The following SETD5 variants were observed in gnomAD, a reference collection of about 807,000 sequenced individuals.
SETD5 encodes SET domain containing 5.
Under a neutral mutation model 153.3 loss-of-function variants are expected in SETD5, and 44 were observed. The observed-to-expected ratio is 0.29, with a 90% CI of 0.23 to 0.37. The LOEUF is 0.37. Ranked by LOEUF, SETD5 falls within the 10% of genes least tolerant of loss-of-function variation. SETD5 has a pLI of 1.00. For missense variants in SETD5, 1,544 were observed against 1,768.0 expected (o/e 0.87, Z 2.27); for synonymous variants, 716 against 645.2 (o/e 1.11, Z -1.66).
Position 9,430,936 on chromosome 3 carries a change from A to T in SETD5, c.71+1927A>T, listed in dbSNP as rs981580107. 3 of 985,342 alleles carry T rather than the reference A, an allele frequency of 3.0e-6. No homozygotes were observed. In the African/African-American group the frequency reaches 5.2e-5, roughly 17 times the overall value. The allele number at this position is 985,342 out of a possible 1,614,324, so 61.0% of individuals were successfully genotyped here. On this transcript the variant is annotated intron_variant, in intron 3 of 22. Transcript: ENST00000402198. ...GATTTGTGATACTGTGGTCATAACT[A>T]GCTACATAGTTATGCATTTCTGCAA...
chr3:9,436,002 A>G, intron 7 of SETD5, 96 bp downstream of exon 7: 2 of 1,165,074 alleles, frequency 1.7e-6, no homozygotes, highest in Admixed American at 5.2e-5. Context: ...AGTTTGATCC[A>G]GGTGTTTGAA....
At chr3:9,456,340 G>A (rs1351085276) in intron 17 of SETD5, among the ~76,000 whole-genome samples, 1 of 152,044 alleles carries the variant, frequency 6.6e-6, no homozygotes, top group African/African-American at 2.4e-5. Context: ...GCTGGGCCTG[G>A]TCACGTACCT....
chr3:9,421,676 A>AATTGGAT (rs2038429106), intron 1 of SETD5, among the ~76,000 whole-genome samples: 1 of 152,248 alleles, frequency 6.6e-6, no homozygotes, highest in Non-Finnish European at 1.5e-5. Flanking sequence ...AAAATTTTGA[A>AATTGGAT]TAATCAAGTT....
At chr3:9,399,252 T>G (rs1448522374) in intron 1 of SETD5, among the ~76,000 whole-genome samples, 2 of 152,262 alleles carry the variant, frequency 1.3e-5, no homozygotes, top group Non-Finnish European at 2.9e-5. Context: ...CTGAGCTTTT[T>G]AGGAGAGTGT....
chr3:9,469,193 G>A (rs186634430), intron 18 of SETD5, among the ~76,000 whole-genome samples: 5 of 152,316 alleles, frequency 3.3e-5, no homozygotes, highest in Non-Finnish European at 7.3e-5. Flanking sequence ...CCACCATTCT[G>A]CAATGGTTAG....
At chr3:9,421,898 A>G (rs944242073) in intron 1 of SETD5, among the ~76,000 whole-genome samples, 3 of 152,114 alleles carry the variant, frequency 2.0e-5, no homozygotes, top group African/African-American at 7.2e-5. Context: ...ATTTCAGGAT[A>G]TATCTTAGAT....
chr3:9,461,251 GAAA>G (rs1179480217), intron 17 of SETD5, among the ~76,000 whole-genome samples: 1 of 151,552 alleles, frequency 6.6e-6, no homozygotes, highest in Non-Finnish European at 1.5e-5. Context: ...AGCAAAAAAT[GAAA>G]AAAAAGTTGG....
intron 18 of SETD5, among the ~76,000 whole-genome samples, chr3:9,465,157 T>C (rs2125508229): frequency 6.6e-6 from 1 of 152,302 alleles, no homozygotes; most frequent in African/African-American, 2.4e-5. Context: ...TAGAAAACAT[T>C]GGGGTATGGC....
intron 1 of SETD5, chr3:9,398,713 C>T (rs2034192452): frequency 6.6e-6 from 1 of 152,240 alleles, no homozygotes; most frequent in Non-Finnish European, 1.5e-5. Context: ...TTTATGAATT[C>T]TCTTTCCCTC....
At position 9,475,861 on chromosome 3, in the gene SETD5, G is replaced by C; in HGVS notation, c.4099G>C (p.Gly1367Arg). 1 of 1,614,042 alleles carries C rather than the reference G, an allele frequency of 6.2e-7. No individual in the cohort carries two copies. The highest frequency in any genetic ancestry group is 8.5e-7 in the Non-Finnish European group (1 of 1,179,902). The change falls in exon 23 of 23, where the codon GGA becomes CGA. Residue 1367 changes from glycine to arginine, a missense_variant. Physicochemically the swap from Gly to Arg is moderately radical, Grantham distance 125. Transcript: ENST00000402198. ...TSDSVSQSST[G>R]TLSSTSFPQN... ...AGATTCAGTTTCTCAGTCCAGCACA[G>C]GAACTCTGAGTTCCACCTCCTTTCC...
chr3:9,436,977 A>C lies in SETD5; in HGVS notation c.567+1071A>C, dbSNP rs536850721. 3 of 1,167,668 alleles carry C rather than the reference A, an allele frequency of 2.6e-6. No homozygotes were observed. The African/African-American group carries it at 4.7e-5, about 18-fold the overall frequency. The allele number at this position is 1,167,668 out of a possible 1,614,324, so 72.3% of individuals were successfully genotyped here. ...TCTTTCCTGACATTGATGGTCTGGG[A>C]ATCTTGGACTCTGCTTTTCATTAGT... is the stretch of plus-strand genomic sequence containing the variant. On this transcript the variant is annotated intron_variant, in intron 7 of 22. Coordinates refer to ENST00000402198, the MANE Select transcript of SETD5 (RefSeq NM_001080517.3).
At position 9,435,811 on chromosome 3, in the gene SETD5, A is replaced by G; in HGVS notation, c.472A>G (p.Thr158Ala). The change falls in exon 7 of 23, where the codon ACA (threonine) becomes GCA (alanine). Residue 158 changes from threonine to alanine, a missense_variant. By Grantham distance (58) the Thr-to-Ala change is moderately conservative. Around this residue, in one of 9 missense-constraint regions of SETD5, gnomAD observed 251 missense variants for 326.9 expected, o/e 0.77. Transcript: ENST00000402198. ...GTATACAGCAACACAGCACACACCT[A>G]CAAGCATCACCTTAACTGTTAGAAG... Reference protein sequence around the residue: ...VLYTATQHTPTSITLTVRRTK... With the variant: ...VLYTATQHTPASITLTVRRTK... The G allele has an allele frequency of 6.2e-7, 1 of 1,602,454 alleles. No homozygotes were observed. Among genetic ancestry groups the G allele is most frequent in the Non-Finnish European group, 8.5e-7 (1 of 1,174,276 alleles).
At chr3:9,461,193 A>G (rs2043917297) in intron 17 of SETD5, among the ~76,000 whole-genome samples, 1 of 152,200 alleles carries the variant, frequency 6.6e-6, no homozygotes, top group African/African-American at 2.4e-5. Flanking sequence ...ACACATATAT[A>G]GATATTCTTT....
intron 16 of SETD5, among the ~76,000 whole-genome samples, chr3:9,450,521 A>G (rs1458709033): frequency 6.6e-6 from 1 of 152,236 alleles, no homozygotes; most frequent in African/African-American, 2.4e-5. Context: ...TGTTTTAGCT[A>G]GAATAGAATT....
rs750724220 is a variant in SETD5, at chr3:9,435,765, G to T, written c.426G>T (p.Glu142Asp). 4.7e-5 allele frequency: 75 copies of T among 1,601,088 alleles called. No individual in the cohort carries two copies. The highest frequency in any genetic ancestry group is 6.4e-5 in the Non-Finnish European group (75 of 1,174,460). The change falls in exon 7 of 23, where the codon GAG (glutamate) becomes GAT (aspartate). Residue 142 changes from glutamate to aspartate, a missense_variant. By Grantham distance (45) the Glu-to-Asp change is conservative. Coordinates refer to ENST00000402198, the MANE Select transcript of SETD5 (RefSeq NM_001080517.3). ...GTGCAACAGAAAGCTGGGATGAGGA[G>T]CTTTCTCCTTCCACTGTGTTGTATA... is the stretch of plus-strand genomic sequence containing the variant. ...DSSATESWDE[E>D]LSPSTVLYTA... is the part of the protein sequence containing the mutation.
intron 13 of SETD5, among the ~76,000 whole-genome samples, chr3:9,446,435 A>C (rs543783338): frequency 6.6e-6 from 1 of 151,794 alleles, no homozygotes; most frequent in Non-Finnish European, 1.5e-5. Flanking sequence ...ATATGAACTA[A>C]AATTTTCTAC....
In SETD5 at chr3:9,442,254, T is replaced by A. The variant is rs1319961581; in HGVS notation, c.1077+9T>A. On this transcript the variant is annotated intron_variant, in intron 10 of 22. Transcript: ENST00000402198. ...GTACACCAAATGCAGAGGTAAGATA[T>A]CTGTAGCAACTTCCCTTTGACTGGA... is the stretch of plus-strand genomic sequence containing the variant. 1.3e-6 allele frequency: 2 copies of A among 1,580,688 alleles called. No homozygotes were observed. Among genetic ancestry groups the A allele is most frequent in the South Asian group, 2.2e-5 (2 of 89,594 alleles).
intron 1 of SETD5, among the ~76,000 whole-genome samples, chr3:9,417,803 A>T (rs1255993415): frequency 5.4e-5 from 8 of 148,886 alleles, no homozygotes; most frequent in Non-Finnish European, 8.9e-5. Context: ...TTTTTTTTTT[A>T]ATTATTTTAT....
At position 9,399,258 on chromosome 3, in the gene SETD5, AGT is replaced by A. The variant is rs565516173; in HGVS notation, c.-177+1286_-177+1287del. Among the ~76,000 whole-genome samples, 27 of 152,216 alleles carry A rather than the reference AGT, an allele frequency of 1.8e-4. No individual in the cohort carries two copies. The South Asian group carries it at 5.4e-3, about 30-fold the overall frequency. On this transcript the variant is annotated intron_variant, in intron 1 of 22. Coordinates refer to ENST00000402198, the MANE Select transcript of SETD5 (RefSeq NM_001080517.3). ...TGGAGTGTGCTGAGCTTTTTAGGAG[AGT>A]GTGTACTCCCTATTTGAAATTATTT...
Sources: allele counts gnomAD v4.1 joint callset (sites outside exome capture counted in the v4.1 genomes callset), GRCh38; gene constraint gnomAD v4.1.1; regional missense constraint gnomAD v4.1.1; transcripts MANE v1.5; gene names NCBI Gene and HGNC (gene_info 2026-07-23, HGNC 2026-07-21).